Variants in NKAIN2 observed in about 807,000 individuals in gnomAD.
NKAIN2 encodes the protein sodium/potassium-transporting ATPase subunit beta-1-interacting protein 2.
A neutral mutation model predicts 32.6 loss-of-function variants in NKAIN2; 14 were observed. The observed-to-expected ratio is 0.43, with a 90% CI of 0.28 to 0.67. The LOEUF (loss-of-function observed/expected upper bound fraction) is 0.67. NKAIN2 is among the 30% of genes least tolerant of loss of function. The pLI is 0.17. For missense variants in NKAIN2, 198 were observed against 258.3 expected, an observed-to-expected ratio of 0.77 and a Z score of 1.60; for synonymous variants, 80 against 87.2, an observed-to-expected ratio of 0.92 and a Z score of 0.46.
At chr6:124,174,216 C>T (rs1169820918) in intron 1 of NKAIN2, among the ~76,000 whole-genome samples, 2 of 152,084 alleles carry the variant, frequency 1.3e-5, no homozygotes, top group African/African-American at 4.8e-5. Context: ...CACCAAACAG[C>T]AGTAGTTAGA....
chr6:123,894,037 C>G (rs950948833), intron 1 of NKAIN2, among the ~76,000 whole-genome samples: 2 of 152,196 alleles, frequency 1.3e-5, no homozygotes, highest in Non-Finnish European at 2.9e-5. Flanking sequence ...TTGGGTACTA[C>G]AAGTATATGT....
At chr6:124,267,290 A>G (rs772230330) in intron 1 of NKAIN2, among the ~76,000 whole-genome samples, 2 of 152,266 alleles carry the variant, frequency 1.3e-5, no homozygotes, top group East Asian at 3.9e-4. Context: ...GATATCAAAA[A>G]TGCTAATTGC....
At chr6:124,510,956 A>G (rs1204501590) in intron 3 of NKAIN2, among the ~76,000 whole-genome samples, 1 of 152,192 alleles carries the variant, frequency 6.6e-6, no homozygotes, top group Non-Finnish European at 1.5e-5. Context: ...TTGGTGATAA[A>G]ACAATACATT....
chr6:124,166,657 G>C (rs1351855436), intron 1 of NKAIN2, among the ~76,000 whole-genome samples: 3 of 151,242 alleles, frequency 2.0e-5, no homozygotes, highest in Non-Finnish European at 4.4e-5. Context: ...TTAGGTCTAA[G>C]GTTTAAGTCT....
intron 1 of NKAIN2, among the ~76,000 whole-genome samples, chr6:124,077,605 A>AG (rs1783752712): frequency 6.6e-6 from 1 of 152,124 alleles, no homozygotes; most frequent in Non-Finnish European, 1.5e-5. Flanking sequence ...TGGCAATGTG[A>AG]ATTGCCATAT....
chr6:124,130,579 T>C (rs1032414022), intron 1 of NKAIN2, among the ~76,000 whole-genome samples: 2 of 151,282 alleles, frequency 1.3e-5, no homozygotes, highest in Non-Finnish European at 2.9e-5. Context: ...CTATATCATA[T>C]AGGTATGGTA....
intron 1 of NKAIN2, among the ~76,000 whole-genome samples, chr6:123,813,408 T>C (rs2114868729): frequency 6.6e-6 from 1 of 152,232 alleles, no homozygotes; most frequent in East Asian, 1.9e-4. Context: ...CATATGAAGG[T>C]TTTACCTGAT....
intron 1 of NKAIN2, among the ~76,000 whole-genome samples, chr6:124,136,428 A>G (rs1315530853): frequency 6.6e-6 from 1 of 152,106 alleles, no homozygotes; most frequent in Admixed American, 6.5e-5. Context: ...TCTATCAGAC[A>G]TTTAAAGAAC....
chr6:124,126,183 T>G (rs1024615912), intron 1 of NKAIN2, among the ~76,000 whole-genome samples: 1 of 152,122 alleles, frequency 6.6e-6, no homozygotes, highest in African/African-American at 2.4e-5. Context: ...CCACCCACAA[T>G]ACTGTCTGTC....
intron 2 of NKAIN2, among the ~76,000 whole-genome samples, chr6:124,289,127 C>A (rs1478785948): frequency 6.6e-6 from 1 of 152,136 alleles, no homozygotes; most frequent in African/African-American, 2.4e-5. Context: ...CATAATAACC[C>A]TGCTTACTCT....
chr6:124,466,092 C>T (rs886142247), intron 3 of NKAIN2, among the ~76,000 whole-genome samples: 2 of 151,712 alleles, frequency 1.3e-5, no homozygotes, highest in Non-Finnish European at 2.9e-5. Flanking sequence ...TTACACACAA[C>T]GTTTGGCTGA....
chr6:124,455,333 AAG>A (rs1776278856), intron 3 of NKAIN2, among the ~76,000 whole-genome samples: 1 of 152,080 alleles, frequency 6.6e-6, no homozygotes, highest in African/African-American at 2.4e-5. Context: ...TCAGTTAACA[AAG>A]AGGATCTGAG....
At chr6:124,439,772 T>C (rs984400603) in intron 3 of NKAIN2, among the ~76,000 whole-genome samples, 3 of 151,908 alleles carry the variant, frequency 2.0e-5, no homozygotes, top group Non-Finnish European at 2.9e-5. Context: ...TTTAGAGATA[T>C]AAAAATGTGA....
At chr6:123,991,483 T>TC (rs34419122) in intron 1 of NKAIN2, among the ~76,000 whole-genome samples, 82,391 of 151,924 alleles carry the variant, frequency 0.54, 23,968 homozygotes, top group African/African-American at 0.75. Context: ...TGCGGGGAGT[T>TC]CAAAGCAACA....
intron 1 of NKAIN2, among the ~76,000 whole-genome samples, chr6:124,229,962 A>G (rs1792361166): frequency 6.6e-6 from 1 of 152,176 alleles, no homozygotes; most frequent in Non-Finnish European, 1.5e-5. Context: ...AAAATGTGGA[A>G]GCAACTGTGG....
At chr6:124,698,012 G>A (rs913969648) in intron 4 of NKAIN2, among the ~76,000 whole-genome samples, 2 of 152,170 alleles carry the variant, frequency 1.3e-5, no homozygotes, top group Admixed American at 1.3e-4. Context: ...AACAGGTGAT[G>A]AAACATGGAG....
intron 3 of NKAIN2, among the ~76,000 whole-genome samples, chr6:124,410,114 A>G (rs1209010019): frequency 2.0e-5 from 3 of 152,040 alleles, no homozygotes; most frequent in Non-Finnish European, 4.4e-5. Context: ...CTAGTGGTCT[A>G]TCAATTTTGT....
At chr6:124,472,900 T>A (rs1257245542) in intron 3 of NKAIN2, among the ~76,000 whole-genome samples, 1 of 152,082 alleles carries the variant, frequency 6.6e-6, no homozygotes, top group Non-Finnish European at 1.5e-5. Context: ...TCTAGATATA[T>A]AAATAAAATG....
At chr6:124,355,186 G>A (rs1031455902) in intron 2 of NKAIN2, 81 bp from the exon 3 acceptor site, 3 of 821,788 alleles carry the variant, frequency 3.7e-6, no homozygotes, top group African/African-American at 3.4e-5. Flanking sequence ...ATATTAGGGT[G>A]TGCGAAAGTT....
Sources: gnomAD v4.1 joint callset for allele counts (sites outside exome capture counted in the v4.1 genomes callset) on GRCh38, gnomAD v4.1.1 for gene constraint, MANE v1.5 for transcripts, NCBI Gene and HGNC (gene_info 2026-07-23, HGNC 2026-07-21) for gene names.